Variants in SNX32 observed in about 807,000 individuals in gnomAD.
SNX32 encodes sorting nexin 32, also known as sorting nexin-32.
Under a neutral mutation model 57.0 loss-of-function variants are expected in SNX32, and 58 were observed. The observed-to-expected ratio is 1.02, with a 90% CI of 0.82 to 1.27. The LOEUF is 1.27. SNX32 is among the 50% of genes most tolerant of loss of function. SNX32 has a pLI of 0.00. For missense variants in SNX32, 589 were observed against 541.2 expected (o/e 1.09, Z -0.88); for synonymous variants, 262 against 220.4 (o/e 1.19, Z -1.67).
rs935287387 is a variant in SNX32, at chr11:65,851,251, GTTGT to G, written c.710-72_710-69del. 2.7e-5 allele frequency: 43 copies of G among 1,604,310 alleles called. No homozygotes were observed. In the African/African-American group the frequency reaches 2.9e-4, roughly 11 times the overall value. On this transcript the variant is annotated intron_variant, in intron 7 of 12. Coordinates refer to ENST00000308342, the MANE Select transcript of SNX32 (RefSeq NM_152760.3). ...GAGAGAAGAGAGCAGGGCGTGCCTT[GTTGT>G]TTGTCTGTGGCCACAAGCACCAAGG...
intron 1 of SNX32, among the ~76,000 whole-genome samples, chr11:65,835,333 T>G (rs562196328): frequency 1.5e-3 from 69 of 44,534 alleles, no homozygotes; most frequent in Non-Finnish European, 2.0e-3. Flanking sequence ...GGTAGGTGGG[T>G]AGGGGGTGGG....
chr11:65,839,624 A>G (rs1475381524), intron 1 of SNX32, among the ~76,000 whole-genome samples: 6 of 129,648 alleles, frequency 4.6e-5, no homozygotes, highest in East Asian at 6.1e-4. Context: ...GGATTATAGC[A>G]TGAGCCACCG....
chr11:65,839,230 T>TAGTAGAGACGATGTTTCACCA (rs1555032647), intron 1 of SNX32, among the ~76,000 whole-genome samples: 3 of 16,566 alleles, frequency 1.8e-4, no homozygotes, highest in East Asian at 2.4e-3. Context: ...TTTGTATTTT[T>TAGTAGAGACGATGTTTCACCA]TTTTTTTTTT....
In SNX32 at chr11:65,850,856, G is replaced by A. The variant is rs542044297; in HGVS notation, c.603+1G>A. ...CATCACGGGCATGTCAGGGCTCAAG[G>A]TAACCCCTGGTGCTCCTCTCCGGAT... On this transcript the variant is annotated splice_donor_variant, in intron 6 of 12. Transcript: ENST00000308342. LOFTEE classifies it high-confidence loss of function. The A allele has an allele frequency of 1.9e-6, 3 of 1,611,934 alleles. No individual in the cohort carries two copies. The Admixed American group carries it at 5.0e-5, about 27-fold the overall frequency.
chr11:65,839,069 G>C (rs1184065930), intron 1 of SNX32, among the ~76,000 whole-genome samples: 5 of 150,814 alleles, frequency 3.3e-5, no homozygotes, highest in Non-Finnish European at 2.9e-5. Context: ...TTATTTTTGA[G>C]AGGGAGTCTC....
chr11:65,834,253 G>A, intron 1 of SNX32, 152 bp downstream of exon 1: 1 of 881,120 alleles, frequency 1.1e-6, no homozygotes, highest in Non-Finnish European at 1.7e-6. Context: ...GTCTGCATGT[G>A]TCTGTTTCTC....
Position 65,849,555 on chromosome 11 carries a change from C to T in SNX32, c.114C>T (p.Asp38=). 6.2e-7 allele frequency: 1 copy of T among 1,614,204 alleles called. No individual in the cohort carries two copies. Among genetic ancestry groups the T allele is most frequent in the Non-Finnish European group, 8.5e-7 (1 of 1,180,006 alleles). Residue 38 remains aspartate (D), a synonymous_variant, in exon 2 of 13, where the codon GAC becomes GAT. Transcript: ENST00000308342. ...TTTCTGACGCAGTGAGTGAGCGGGACAAGGTGAAATTCACTGTTCAAACAA... is the reference window on the plus strand; with the variant it reads ...TTTCTGACGCAGTGAGTGAGCGGGATAAGGTGAAATTCACTGTTCAAACAA... ...VEISDAVSER[D]KVKFTVQTKS... is the part of the protein sequence containing the mutation.
Position 65,851,807 on chromosome 11 carries a change from G to A in SNX32, c.825+128G>A, listed in dbSNP as rs1007229323. ...TAACTTGGGCCCAGTGGCAAGTTGG[G>A]CTTACACTCCAGACTAGTTTAACAA... On this transcript the variant is annotated intron_variant, in intron 9 of 12. Transcript: ENST00000308342. 16 of 1,015,276 alleles carry A rather than the reference G, an allele frequency of 1.6e-5. No individual in the cohort carries two copies. The South Asian group carries it at 1.6e-4, about 10-fold the overall frequency. The allele number at this position is 1,015,276 out of a possible 1,614,324, so 62.9% of individuals were successfully genotyped here. A position where few individuals can be genotyped will look rare whatever the true frequency, so the allele number is the denominator to read the frequency against.
intron 9 of SNX32, 107 bp downstream of exon 9, chr11:65,851,786 TTGG>T: frequency 7.7e-7 from 1 of 1,292,986 alleles, no homozygotes; most frequent in Non-Finnish European, 1.1e-6. Flanking sequence ...CAGTGATAAC[TTGG>T]GCCCAGTGGC....
chr11:65,839,073 G>A (rs941153005), intron 1 of SNX32, among the ~76,000 whole-genome samples: 3 of 150,946 alleles, frequency 2.0e-5, no homozygotes, highest in Non-Finnish European at 2.9e-5. Context: ...TTTTGAGAGG[G>A]AGTCTCACTT....
intron 1 of SNX32, among the ~76,000 whole-genome samples, chr11:65,841,091 C>T (rs1215281393): frequency 1.3e-5 from 2 of 151,714 alleles, no homozygotes; most frequent in African/African-American, 4.8e-5. Context: ...ATTACAAGCG[C>T]CCCCCACCAC....
At chr11:65,834,301 CTGTG>C (rs752366677) in intron 1 of SNX32, among the ~76,000 whole-genome samples, 200 bp downstream of exon 1, 45 of 149,804 alleles carry the variant, frequency 3.0e-4, no homozygotes, top group African/African-American at 4.7e-4. Flanking sequence ...CTGCATATGT[CTGTG>C]TGTGTGTGTA....
In SNX32 at chr11:65,852,843, G is replaced by T. The variant is rs562705743; in HGVS notation, c.1073-30G>T. On this transcript the variant is annotated intron_variant, in intron 11 of 12. Coordinates refer to ENST00000308342, the MANE Select transcript of SNX32 (RefSeq NM_152760.3). ...GGGGCCACATGCCCTGCCCTGCCCGGATCCCCATGCCTCTTCCCCTCCTCT... is the reference window on the plus strand; with the variant it reads ...GGGGCCACATGCCCTGCCCTGCCCGTATCCCCATGCCTCTTCCCCTCCTCT... The T allele has an allele frequency of 1.0e-4, 162 of 1,613,820 alleles. 2 individuals are homozygous for T. The South Asian group carries it at 1.7e-3, about 17-fold the overall frequency.
intron 1 of SNX32, among the ~76,000 whole-genome samples, chr11:65,840,241 C>A (rs576832736): frequency 2.0e-5 from 3 of 152,136 alleles, no homozygotes; most frequent in Non-Finnish European, 4.4e-5. Flanking sequence ...TAAAAATCAA[C>A]ACTCTCATCA....
At chr11:65,843,824 T>C (rs1399305511) in intron 1 of SNX32, among the ~76,000 whole-genome samples, 2 of 152,080 alleles carry the variant, frequency 1.3e-5, no homozygotes, top group Non-Finnish European at 2.9e-5. Flanking sequence ...CAACAATGGG[T>C]TTGTCTCCAG....
intron 1 of SNX32, among the ~76,000 whole-genome samples, chr11:65,837,401 A>G (rs1858697035): frequency 6.6e-6 from 1 of 152,190 alleles, no homozygotes; most frequent in Non-Finnish European, 1.5e-5. Context: ...GGTCCCAGCT[A>G]TGTGGGAGGC....
chr11:65,852,410 C>G lies in SNX32; in HGVS notation c.826-55C>G. Reference sequence around the variant, plus strand: ...ATTTAGATGAAGAGGTGCCTCCCACCCCTTAGCTGCCCCTCTGACAAGCTC... The same window carrying G: ...ATTTAGATGAAGAGGTGCCTCCCACGCCTTAGCTGCCCCTCTGACAAGCTC... On this transcript the variant is annotated intron_variant, in intron 9 of 12. Transcript: ENST00000308342. 2.0e-6 allele frequency: 3 copies of G among 1,478,910 alleles called. No individual in the cohort carries two copies. In the South Asian group the frequency reaches 3.4e-5, roughly 17 times the overall value. 91.6% of individuals were successfully genotyped at this position (1,478,910 alleles called of 1,614,324 possible). A position where few individuals can be genotyped will look rare whatever the true frequency, so the allele number is the denominator to read the frequency against.
chr11:65,834,838 G>A (rs1024366572), intron 1 of SNX32, among the ~76,000 whole-genome samples: 1 of 144,370 alleles, frequency 6.9e-6, no homozygotes, highest in Admixed American at 6.8e-5. Context: ...GTGTGTCTGT[G>A]TATTTCTGGG....
At position 65,850,213 on chromosome 11, in the gene SNX32, G is replaced by A. The variant is rs772344561; in HGVS notation, c.316G>A (p.Glu106Lys). 1.6e-5 allele frequency: 26 copies of A among 1,614,238 alleles called. No homozygotes were observed. Among genetic ancestry groups the A allele is most frequent in the Admixed American group, 5.0e-5 (3 of 60,032 alleles). ...GAGGGAAAAGCTACAGAAATTGGGC[G>A]AGGGGGACAGCTCTGTCACTCGGGA... ...ASREKLQKLG[E>K]GDSSVTREEF... Residue 106 changes from glutamate to lysine, a missense_variant, in exon 4 of 13, where the codon GAG (glutamate) becomes AAG (lysine). Coordinates refer to ENST00000308342, the MANE Select transcript of SNX32 (RefSeq NM_152760.3).
Sources: gnomAD v4.1 joint callset for allele counts (sites outside exome capture counted in the v4.1 genomes callset) on GRCh38, gnomAD v4.1.1 for gene constraint, MANE v1.5 for transcripts, NCBI Gene and HGNC (gene_info 2026-07-23, HGNC 2026-07-21) for gene names.